RAPGEF2: variants seen among roughly 807,000 people sequenced by gnomAD.
RAPGEF2 encodes PDZ domain containing guanine nucleotide exchange factor (GEF) 1.
Under a neutral mutation model 186.7 loss-of-function variants are expected in RAPGEF2, and 54 were observed. The ratio of observed to expected loss-of-function variants is 0.29; its 90% confidence interval spans 0.23 to 0.36. The LOEUF (loss-of-function observed/expected upper bound fraction) is 0.36, where lower values mean the gene tolerates loss of function less well. Ranked by LOEUF, RAPGEF2 falls within the 10% of genes least tolerant of loss-of-function variation. The pLI is 1.00. For missense variants in RAPGEF2, 1,532 were observed against 2,045.0 expected (o/e 0.75, Z 4.84); for synonymous variants, 712 against 705.9 (o/e 1.01, Z -0.14).
At chr4:159,289,863 G>C (rs1297156256) in intron 7 of RAPGEF2, among the ~76,000 whole-genome samples, 1 of 152,142 alleles carries the variant, frequency 6.6e-6, no homozygotes, top group African/African-American at 2.4e-5. Context: ...AGGAGATACA[G>C]AGTATCTCGC....
At chr4:159,319,866 A>T (rs1005702514) in intron 9 of RAPGEF2, among the ~76,000 whole-genome samples, 3 of 152,146 alleles carry the variant, frequency 2.0e-5, no homozygotes, top group Non-Finnish European at 4.4e-5. Context: ...CAATATGTCT[A>T]CACGAAGCAC....
At position 159,345,403 on chromosome 4, in the gene RAPGEF2, GTGACAAAA is replaced by G. The variant is rs1474161342; in HGVS notation, c.3502+76_3502+83del. 68 of 1,400,164 alleles carry G rather than the reference GTGACAAAA, an allele frequency of 4.9e-5. No individual in the cohort carries two copies. The African/African-American group carries it at 8.4e-4, about 17-fold the overall frequency. The allele number at this position is 1,400,164 out of a possible 1,614,324, so 86.7% of individuals were successfully genotyped here. A position where few individuals can be genotyped will look rare whatever the true frequency, so the allele number is the denominator to read the frequency against. The stretch of plus-strand genomic sequence containing the variant: ...TGTTTCCTGTGCAGTGGTATGGGCA[GTGACAAAA>G]TAAGGCTTAGTGCAGAGGGGGAGCT... On this transcript the variant is annotated intron_variant, in intron 24 of 29. Coordinates refer to ENST00000691494, the MANE Select transcript of RAPGEF2 (RefSeq NM_001394067.2).
intron 1 of RAPGEF2, among the ~76,000 whole-genome samples, chr4:159,167,997 G>A (rs1745503994): frequency 6.6e-6 from 1 of 152,220 alleles, no homozygotes; most frequent in African/African-American, 2.4e-5. Flanking sequence ...AAATAAGGTG[G>A]TGAGGCTCAT....
intron 7 of RAPGEF2, among the ~76,000 whole-genome samples, chr4:159,268,742 T>G (rs2110794037): frequency 6.6e-6 from 1 of 151,980 alleles, no homozygotes; most frequent in Non-Finnish European, 1.5e-5. Flanking sequence ...CACAAAAAAT[T>G]ATTGCTTCTT....
intron 7 of RAPGEF2, among the ~76,000 whole-genome samples, chr4:159,254,866 G>A (rs1004132226): frequency 6.6e-6 from 1 of 152,176 alleles, no homozygotes; most frequent in South Asian, 2.1e-4. Context: ...CTCCCAAAGT[G>A]CTGGGATCAC....
At chr4:159,187,596 ATATT>A in intron 2 of RAPGEF2, among the ~76,000 whole-genome samples, 1 of 152,318 alleles carries the variant, frequency 6.6e-6, no homozygotes, top group South Asian at 2.1e-4. Context: ...AGTTTATACT[ATATT>A]TGTTTTTATG....
intron 1 of RAPGEF2, among the ~76,000 whole-genome samples, chr4:159,160,675 A>G (rs1744616456): frequency 6.6e-6 from 1 of 151,930 alleles, no homozygotes. Context: ...GTAGCAAACT[A>G]TATGGATGAA....
At chr4:159,108,783 G>C (rs12499610) in intron 1 of RAPGEF2, among the ~76,000 whole-genome samples, 1 of 151,976 alleles carries the variant, frequency 6.6e-6, no homozygotes, top group African/African-American at 2.4e-5. Flanking sequence ...TTGCTTTGTT[G>C]CCCGGGCTCA....
intron 7 of RAPGEF2, among the ~76,000 whole-genome samples, chr4:159,265,983 G>A (rs528686388): frequency 1.3e-5 from 2 of 152,320 alleles, no homozygotes; most frequent in East Asian, 1.9e-4. Flanking sequence ...ATGAGGAATG[G>A]TGAAAACCAA....
chr4:159,304,320 G>C (rs746080127), intron 7 of RAPGEF2, 22 bp from the exon 8 acceptor site: 19 of 1,573,010 alleles, frequency 1.2e-5, no homozygotes, highest in Non-Finnish European at 1.6e-5. Flanking sequence ...TGTAATCCTA[G>C]TTTTTCCTGC....
chr4:159,195,831 C>G (rs947687955), intron 3 of RAPGEF2, among the ~76,000 whole-genome samples: 26 of 141,400 alleles, frequency 1.8e-4, no homozygotes, highest in African/African-American at 1.3e-4. Context: ...TTATTGATTA[C>G]TTATTTAAAT....
At chr4:159,206,913 G>T (rs1750048829) in intron 3 of RAPGEF2, among the ~76,000 whole-genome samples, 2 of 152,160 alleles carry the variant, frequency 1.3e-5, no homozygotes, top group South Asian at 4.1e-4. Flanking sequence ...TAAAATAAGA[G>T]TCACTGTTTT....
At chr4:159,276,086 T>C (rs1032403008) in intron 7 of RAPGEF2, among the ~76,000 whole-genome samples, 1 of 152,144 alleles carries the variant, frequency 6.6e-6, no homozygotes, top group Non-Finnish European at 1.5e-5. Context: ...TCTTTAATTG[T>C]AGTGAAAAAG....
rs377452592 is a variant in RAPGEF2, at chr4:159,341,617, C to G, written c.2588C>G (p.Ala863Gly). 6.2e-7 allele frequency: 1 copy of G among 1,613,114 alleles called. No individual in the cohort carries two copies. The highest frequency in any genetic ancestry group is 8.5e-7 in the Non-Finnish European group (1 of 1,179,652). Residue 863 changes from alanine (A) to glycine (G), a missense_variant, in exon 20 of 30, where the codon GCT (alanine) becomes GGT (glycine). This residue lies in a region of RAPGEF2 where 810 missense variants were observed against 1,210.5 expected (regional missense o/e 0.67). Coordinates refer to ENST00000691494, the MANE Select transcript of RAPGEF2 (RefSeq NM_001394067.2). ...ETETLCSDED[A>G]QELLRESQIS... Reference sequence around the variant, plus strand: ...GAAACTCTTTGTTCAGATGAAGATGCTCAGGAGTTGTTGAGAGAGAGTCAA... The same window carrying G: ...GAAACTCTTTGTTCAGATGAAGATGGTCAGGAGTTGTTGAGAGAGAGTCAA...
chr4:159,284,481 GACACACACACACACACACAC>G lies in RAPGEF2; in HGVS notation c.544-19826_544-19807del, dbSNP rs36232973. Among the ~76,000 whole-genome samples, 678 of 140,320 alleles carry G rather than the reference GACACACACACACACACACAC, an allele frequency of 4.8e-3. 5 individuals are homozygous for G. The highest frequency in any genetic ancestry group is 0.022 in the Middle Eastern group (6 of 278). The allele number at this position is 140,320 out of a possible 152,430, so 92.1% of individuals were successfully genotyped here. On this transcript the variant is annotated intron_variant, in intron 7 of 29. Transcript: ENST00000691494. ...AATGCCTACCTCCCACCGCCATGGA[GACACACACACACACACACAC>G]ACACACACACACACACACACACACA... is the stretch of plus-strand genomic sequence containing the variant.
intron 11 of RAPGEF2, chr4:159,327,546 A>T (rs1399906408): frequency 6.6e-6 from 1 of 151,998 alleles, no homozygotes. Flanking sequence ...AATCCCAGCT[A>T]CTCGGGAGGC....
At chr4:159,330,763 T>A in intron 13 of RAPGEF2, 1 of 356,516 alleles carries the variant, frequency 2.8e-6, no homozygotes, top group Non-Finnish European at 5.0e-6. Context: ...AACATTTTTT[T>A]AAGTTCTGTT....
intron 1 of RAPGEF2, among the ~76,000 whole-genome samples, chr4:159,177,600 A>G (rs1746571781): frequency 6.6e-6 from 1 of 152,182 alleles, no homozygotes; most frequent in Non-Finnish European, 1.5e-5. Flanking sequence ...CCTTCTTAGG[A>G]TAGCTCTTTT....
chr4:159,119,547 T>C (rs989277143), intron 1 of RAPGEF2, among the ~76,000 whole-genome samples: 1 of 152,228 alleles, frequency 6.6e-6, no homozygotes, highest in Non-Finnish European at 1.5e-5. Flanking sequence ...GTAATAAGCT[T>C]ATGCAGTGAT....
Sources: allele counts gnomAD v4.1 joint callset (sites outside exome capture counted in the v4.1 genomes callset), GRCh38; gene constraint gnomAD v4.1.1; regional missense constraint gnomAD v4.1.1; transcripts MANE v1.5; gene names NCBI Gene and HGNC (gene_info 2026-07-23, HGNC 2026-07-21).